SLC25A21: variants seen among roughly 807,000 people sequenced by gnomAD.
The protein encoded by SLC25A21 is solute carrier family 25 member 21.
In SLC25A21, 47 loss-of-function variants were observed where a neutral mutation model predicts 43.8. The ratio of observed to expected loss-of-function variants is 1.07; its 90% CI spans 0.85 to 1.37. The LOEUF is 1.37. SLC25A21 is among the 40% of genes most tolerant of loss of function. The pLI, the probability that SLC25A21 is intolerant of heterozygous loss-of-function variation, is 0.00. For missense variants in SLC25A21, 352 were observed against 350.2 expected (o/e 1.00, Z -0.04); for synonymous variants, 131 against 121.3 (o/e 1.08, Z -0.52).
At chr14:36,998,359 G>A (rs1312091313) in intron 1 of SLC25A21, among the ~76,000 whole-genome samples, 2 of 152,110 alleles carry the variant, frequency 1.3e-5, no homozygotes, top group African/African-American at 4.8e-5. Context: ...GTTGAGTTTA[G>A]CAAGTTTGAC....
chr14:36,919,649 A>ATCTATCTGTCTGTCTG (rs1555336817), intron 1 of SLC25A21, among the ~76,000 whole-genome samples: 14 of 149,630 alleles, frequency 9.4e-5, no homozygotes, highest in African/African-American at 3.3e-4. Flanking sequence ...CTATCTATCT[A>ATCTATCTGTCTGTCTG]TCTATCTATC....
At chr14:36,801,406 A>G (rs536447169) in intron 3 of SLC25A21, among the ~76,000 whole-genome samples, 15 of 152,050 alleles carry the variant, frequency 9.9e-5, no homozygotes, top group Non-Finnish European at 1.6e-4. Flanking sequence ...ACACCAACCT[A>G]CAACTCCCTC....
chr14:37,098,395 T>C (rs74045491), intron 1 of SLC25A21: 1 of 152,198 alleles, frequency 6.6e-6, no homozygotes, highest in African/African-American at 2.4e-5. Flanking sequence ...AATTTCCTTG[T>C]GTGTGGAATT....
chr14:36,825,129 T>G (rs377529826), intron 2 of SLC25A21, among the ~76,000 whole-genome samples: 1 of 152,184 alleles, frequency 6.6e-6, no homozygotes, highest in African/African-American at 2.4e-5. Context: ...ATAAAAGATC[T>G]GTCTATATTC....
intron 2 of SLC25A21, among the ~76,000 whole-genome samples, chr14:36,847,827 G>A (rs1018002986): frequency 7.2e-5 from 11 of 152,240 alleles, no homozygotes; most frequent in African/African-American, 2.7e-4. Context: ...ATTTGTACAG[G>A]ATGTTTCTAG....
Position 36,854,892 on chromosome 14 carries a change from G to A in SLC25A21, c.119+20064C>T, listed in dbSNP as rs995421362. Among the ~76,000 whole-genome samples, 4 of 150,616 alleles carry A rather than the reference G, an allele frequency of 2.7e-5. No homozygotes were observed. In the East Asian group the frequency reaches 5.9e-4, roughly 22 times the overall value. Reference sequence around the variant, plus strand: ...CAGTGTACAGAAAGCTGCAGTGTAGGAGGGTAATTGGTGTCTTTTGTTCTT... The same window carrying A: ...CAGTGTACAGAAAGCTGCAGTGTAGAAGGGTAATTGGTGTCTTTTGTTCTT... On this transcript the variant is annotated intron_variant, in intron 2 of 9. Coordinates refer to ENST00000331299, the MANE Select transcript of SLC25A21 (RefSeq NM_030631.4).
chr14:36,952,629 A>G (rs992574253), intron 1 of SLC25A21, among the ~76,000 whole-genome samples: 1 of 152,238 alleles, frequency 6.6e-6, no homozygotes. Context: ...ACTTAAAAAA[A>G]GTCCCACCAT....
intron 3 of SLC25A21, among the ~76,000 whole-genome samples, chr14:36,795,257 G>A (rs1004856800): frequency 2.6e-5 from 4 of 152,148 alleles, no homozygotes; most frequent in African/African-American, 9.7e-5. Flanking sequence ...TCGTTATTAA[G>A]GTCTTAGGGA....
At chr14:37,126,923 G>C (rs1963307651) in intron 1 of SLC25A21, among the ~76,000 whole-genome samples, 1 of 152,166 alleles carries the variant, frequency 6.6e-6, no homozygotes, top group Admixed American at 6.5e-5. Context: ...ACCAGCCTGT[G>C]TTTGGAAAGA....
At chr14:36,777,812 G>A (rs1312780907) in intron 3 of SLC25A21, among the ~76,000 whole-genome samples, 1 of 152,190 alleles carries the variant, frequency 6.6e-6, no homozygotes, top group Non-Finnish European at 1.5e-5. Context: ...TGTTACAACA[G>A]TCCTAGGAAA....
chr14:37,124,022 T>C (rs929708702), intron 1 of SLC25A21, among the ~76,000 whole-genome samples: 1 of 152,000 alleles, frequency 6.6e-6, no homozygotes, highest in Non-Finnish European at 1.5e-5. Flanking sequence ...TATCTTTTTT[T>C]TTTTTTGAGA....
At chr14:36,799,794 G>T (rs1887804267) in intron 3 of SLC25A21, among the ~76,000 whole-genome samples, 1 of 152,108 alleles carries the variant, frequency 6.6e-6, no homozygotes, top group Non-Finnish European at 1.5e-5. Flanking sequence ...CTATAGGATT[G>T]TTCTGAGGAC....
chr14:37,025,290 G>T (rs923714751), intron 1 of SLC25A21, among the ~76,000 whole-genome samples: 2 of 152,064 alleles, frequency 1.3e-5, no homozygotes, highest in South Asian at 4.1e-4. Flanking sequence ...AGCTCCACCC[G>T]TATCTAATCC....
chr14:37,130,402 G>A (rs1006906905), intron 1 of SLC25A21, among the ~76,000 whole-genome samples: 3 of 152,108 alleles, frequency 2.0e-5, no homozygotes, highest in Non-Finnish European at 4.4e-5. Context: ...TAGATTCCAC[G>A]ACATACATCC....
chr14:36,762,809 G>C (rs1191400950), intron 3 of SLC25A21, among the ~76,000 whole-genome samples: 1 of 152,186 alleles, frequency 6.6e-6, no homozygotes, highest in African/African-American at 2.4e-5. Context: ...GCTCACACCT[G>C]TGCCTGGTGC....
chr14:36,899,753 T>G (rs888298991), intron 1 of SLC25A21, among the ~76,000 whole-genome samples: 1 of 152,238 alleles, frequency 6.6e-6, no homozygotes, highest in African/African-American at 2.4e-5. Context: ...CAATACTGTT[T>G]CTTCCACTGC....
intron 1 of SLC25A21, among the ~76,000 whole-genome samples, chr14:37,087,349 A>C (rs1182499767): frequency 1.3e-5 from 2 of 152,192 alleles, no homozygotes; most frequent in African/African-American, 2.4e-5. Flanking sequence ...AAAGAAGTCT[A>C]TTTTGTTCTG....
chr14:37,153,658 G>C (rs1963797671), intron 1 of SLC25A21, among the ~76,000 whole-genome samples: 1 of 152,208 alleles, frequency 6.6e-6, no homozygotes, highest in Non-Finnish European at 1.5e-5. Flanking sequence ...CCTCTCCAGT[G>C]GTGGGGCCTC....
intron 1 of SLC25A21, among the ~76,000 whole-genome samples, chr14:36,955,764 G>A (rs1298492455): frequency 6.6e-6 from 1 of 152,054 alleles, no homozygotes. Context: ...ATTGAAGAGA[G>A]TAATTCATCT....
Sources: gnomAD v4.1 joint callset for allele counts (sites outside exome capture counted in the v4.1 genomes callset) on GRCh38, gnomAD v4.1.1 for gene constraint, MANE v1.5 for transcripts, NCBI Gene and HGNC (gene_info 2026-07-23, HGNC 2026-07-21) for gene names.